MYO3B: variants seen among roughly 807,000 people sequenced by gnomAD.
MYO3B encodes myosin IIIB, also known as myosin-IIIb.
In MYO3B, 156 loss-of-function variants were observed where a neutral mutation model predicts 174.6. The observed-to-expected ratio is 0.89, with a 90% confidence interval of 0.78 to 1.02. The LOEUF (loss-of-function observed/expected upper bound fraction) is 1.02, where lower values mean the gene tolerates loss of function less well. Ranked by LOEUF, MYO3B falls within the 50% of genes least tolerant of loss-of-function variation. The pLI, the probability that MYO3B is intolerant of heterozygous loss-of-function variation, is 0.00. For missense variants in MYO3B, 1,632 were observed against 1,639.4 expected (o/e 1.00, Z 0.08); for synonymous variants, 563 against 569.1 (o/e 0.99, Z 0.15).
chr2:170,520,441 A>G (rs1280413409), intron 30 of MYO3B, among the ~76,000 whole-genome samples: 9 of 149,918 alleles, frequency 6.0e-5, no homozygotes, highest in Non-Finnish European at 1.2e-4. Context: ...ATATGTATAT[A>G]TATACACATA....
At chr2:170,200,322 G>C (rs1477534313) in intron 3 of MYO3B, 38 bp downstream of exon 3, 3 of 1,595,760 alleles carry the variant, frequency 1.9e-6, no homozygotes, top group Non-Finnish European at 2.6e-6. Context: ...GATTTGAACA[G>C]AGTGCCAGAG....
At chr2:170,232,487 C>T (rs1042962773) in intron 6 of MYO3B, among the ~76,000 whole-genome samples, 2 of 152,224 alleles carry the variant, frequency 1.3e-5, no homozygotes, top group Non-Finnish European at 2.9e-5. Flanking sequence ...AACACCTGAG[C>T]GTAGTCAAAA....
chr2:170,614,417 G>A (rs1275236881), intron 32 of MYO3B, among the ~76,000 whole-genome samples: 1 of 152,106 alleles, frequency 6.6e-6, no homozygotes, highest in Non-Finnish European at 1.5e-5. Context: ...GAGAGAGGCT[G>A]CAAGGTAGGA....
At chr2:170,331,929 C>T (rs4667633) in intron 7 of MYO3B, among the ~76,000 whole-genome samples, 79,394 of 151,992 alleles carry the variant, frequency 0.52, 22,145 homozygotes, top group East Asian at 0.69. Context: ...CCCTCTTCCA[C>T]TTTAAAAGAC....
chr2:170,460,139 C>G (rs1051256030), intron 23 of MYO3B, among the ~76,000 whole-genome samples: 1 of 152,110 alleles, frequency 6.6e-6, no homozygotes, highest in Admixed American at 6.5e-5. Flanking sequence ...AGAGGAGTCG[C>G]CGAGAGTAAG....
At chr2:170,233,224 T>C (rs2093032981) in intron 6 of MYO3B, among the ~76,000 whole-genome samples, 1 of 152,232 alleles carries the variant, frequency 6.6e-6, no homozygotes, top group South Asian at 2.1e-4. Context: ...TTGGACGTGT[T>C]AGTACACATT....
chr2:170,633,950 A>C (rs990212640), intron 32 of MYO3B, among the ~76,000 whole-genome samples: 2 of 152,154 alleles, frequency 1.3e-5, no homozygotes, highest in Non-Finnish European at 2.9e-5. Flanking sequence ...CAAACCACTG[A>C]TCAACGAAAT....
chr2:170,487,959 A>G (rs1315247657), intron 25 of MYO3B, among the ~76,000 whole-genome samples: 1 of 152,224 alleles, frequency 6.6e-6, no homozygotes, highest in African/African-American at 2.4e-5. Context: ...AAAATAGAGA[A>G]ATAAAATTCA....
At chr2:170,212,814 G>A (rs960347263) in intron 3 of MYO3B, among the ~76,000 whole-genome samples, 1 of 152,180 alleles carries the variant, frequency 6.6e-6, no homozygotes, top group African/African-American at 2.4e-5. Context: ...GCTCCAGTCT[G>A]CTGTGGGGAT....
intron 28 of MYO3B, among the ~76,000 whole-genome samples, chr2:170,505,789 G>T (rs1687585946): frequency 6.6e-6 from 1 of 152,176 alleles, no homozygotes; most frequent in South Asian, 2.1e-4. Context: ...GAGCCCTAGG[G>T]GCTGGAACCT....
intron 1 of MYO3B, among the ~76,000 whole-genome samples, chr2:170,194,240 C>T (rs28417442): frequency 0.36 from 55,058 of 152,026 alleles, 10,090 homozygotes; most frequent in African/African-American, 0.39. Flanking sequence ...CATGGTGGCT[C>T]ATGCCTGTCA....
chr2:170,303,831 A>T (rs551120382), intron 7 of MYO3B, among the ~76,000 whole-genome samples: 2 of 152,172 alleles, frequency 1.3e-5, no homozygotes, highest in South Asian at 4.1e-4. Flanking sequence ...ATTAATATGC[A>T]ATTACTCATT....
intron 6 of MYO3B, among the ~76,000 whole-genome samples, chr2:170,222,193 A>T (rs1428361421): frequency 6.6e-6 from 1 of 152,198 alleles, no homozygotes; most frequent in African/African-American, 2.4e-5. Context: ...TTATGACAAC[A>T]GTGCCTGTGA....
At chr2:170,222,963 C>T (rs2092916721) in intron 6 of MYO3B, among the ~76,000 whole-genome samples, 2 of 152,130 alleles carry the variant, frequency 1.3e-5, no homozygotes, top group South Asian at 4.2e-4. Flanking sequence ...ACCTCCCCTA[C>T]TCCACACACA....
intron 6 of MYO3B, among the ~76,000 whole-genome samples, chr2:170,227,134 G>A (rs2092960036): frequency 6.6e-6 from 1 of 152,154 alleles, no homozygotes; most frequent in African/African-American, 2.4e-5. Context: ...GATGGCCACT[G>A]AGCCACCATG....
At chr2:170,236,224 T>C in intron 7 of MYO3B, 88 bp downstream of exon 7, 5 of 1,533,752 alleles carry the variant, frequency 3.3e-6, no homozygotes, top group Non-Finnish European at 3.6e-6. Flanking sequence ...AAGCAATTTC[T>C]CTCCAAACCT....
intron 32 of MYO3B, among the ~76,000 whole-genome samples, chr2:170,584,631 G>A (rs1333550134): frequency 1.3e-5 from 2 of 152,204 alleles, no homozygotes; most frequent in African/African-American, 4.8e-5. Context: ...TAGGGATTAG[G>A]TGTTGGATTG....
At chr2:170,381,971 A>G (rs369096144) in intron 9 of MYO3B, 45 bp from the exon 10 acceptor site, 10 of 1,517,806 alleles carry the variant, frequency 6.6e-6, no homozygotes, top group African/African-American at 1.4e-5. Context: ...TTTCTGCTAC[A>G]TTATTTGCTG....
At chr2:170,314,503 A>C (rs565087930) in intron 7 of MYO3B, among the ~76,000 whole-genome samples, 72 of 152,304 alleles carry the variant, frequency 4.7e-4, no homozygotes, top group South Asian at 4.6e-3. Context: ...TTGTGCTCTC[A>C]TCTTATCACC....
Sources: gnomAD v4.1 joint callset for allele counts (sites outside exome capture counted in the v4.1 genomes callset) on GRCh38, gnomAD v4.1.1 for gene constraint, MANE v1.5 for transcripts, NCBI Gene and HGNC (gene_info 2026-07-23, HGNC 2026-07-21) for gene names.